The following CDH12 variants were observed in gnomAD, a reference collection of about 807,000 sequenced individuals.
The protein encoded by CDH12 is cadherin-12.
CDH12 carries 41 observed loss-of-function variants against 74.1 expected under a neutral mutation model. That is an observed-to-expected ratio of 0.55 (90% CI 0.43 to 0.72). CDH12 has a LOEUF of 0.72. Among genes scored for constraint, CDH12 ranks in the 30% least tolerant of loss-of-function variants. The pLI is 0.00. For synonymous variants in CDH12, 399 were observed against 355.0 expected (o/e 1.12, Z -1.39); for missense variants, 945 against 977.2 (o/e 0.97, Z 0.44).
chr5:22,824,451 GT>G (rs1174601911), intron 1 of CDH12, among the ~76,000 whole-genome samples: 3 of 152,030 alleles, frequency 2.0e-5, no homozygotes, highest in African/African-American at 7.2e-5. Context: ...ATGTGAAAGT[GT>G]TTTTATAAAT....
chr5:22,214,743 G>A (rs1276259987), intron 3 of CDH12, among the ~76,000 whole-genome samples: 12 of 152,138 alleles, frequency 7.9e-5, no homozygotes, highest in Non-Finnish European at 1.5e-4. Flanking sequence ...AGGTGCACAC[G>A]AAACTTTGTG....
chr5:22,103,926 A>T (rs556389999), intron 4 of CDH12, among the ~76,000 whole-genome samples: 1 of 152,300 alleles, frequency 6.6e-6, no homozygotes, highest in East Asian at 1.9e-4. Context: ...AATAAACATA[A>T]ATTTGTCAAG....
Position 21,751,845 on chromosome 5 carries a change from T to C in CDH12, c.2277A>G (p.Thr759=). ...ESLSSIDSLT[T]EADQDYDYLT... is the part of the protein sequence containing the mutation. ...GATAGTCATAGTCCTGGTCGGCTTCTGTGGTGAGAGAGTCTATAGAGCTGA... is the reference window on the plus strand; with the variant it reads ...GATAGTCATAGTCCTGGTCGGCTTCCGTGGTGAGAGAGTCTATAGAGCTGA... Residue 759 remains threonine (T), a synonymous_variant, in exon 15 of 15, where the codon ACA becomes ACG. Transcript: ENST00000382254. The C allele has an allele frequency of 6.2e-7, 1 of 1,614,148 alleles. No individual in the cohort carries two copies. The highest frequency in any genetic ancestry group is 8.5e-7 in the Non-Finnish European group (1 of 1,180,008).
intron 13 of CDH12, among the ~76,000 whole-genome samples, chr5:21,758,832 C>A (rs1408502360): frequency 2.0e-5 from 3 of 152,132 alleles, no homozygotes; most frequent in Non-Finnish European, 4.4e-5. Context: ...ATGGATGCAT[C>A]TGGAAGACAT....
At chr5:22,643,169 C>A (rs928435676) in intron 1 of CDH12, among the ~76,000 whole-genome samples, 5 of 152,098 alleles carry the variant, frequency 3.3e-5, no homozygotes, top group African/African-American at 1.2e-4. Flanking sequence ...ATTAAGGCTT[C>A]GTGAAATAGA....
intron 2 of CDH12, among the ~76,000 whole-genome samples, chr5:22,480,293 C>G (rs1443818103): frequency 1.3e-5 from 2 of 151,418 alleles, no homozygotes; most frequent in South Asian, 4.2e-4. Flanking sequence ...ATTTAAAATA[C>G]ACTTAGAGGT....
Position 22,746,714 on chromosome 5 carries a change from A to G in CDH12, c.-523+106344T>C, listed in dbSNP as rs78302626. On this transcript the variant is annotated intron_variant, in intron 1 of 14. Coordinates refer to ENST00000382254, the MANE Select transcript of CDH12 (RefSeq NM_004061.5). ...ATTTGTCACTGCAATGTATTAAATT[A>G]TTTTTATTGTACATCTGTAAAGCCA... 8.3e-3 allele frequency among the ~76,000 whole-genome samples: 1,258 copies of G among 152,314 alleles called. 12 individuals are homozygous for G. Among genetic ancestry groups the G allele is most frequent in the African/African-American group, 0.029 (1,217 of 41,570 alleles).
At chr5:22,196,948 T>C (rs1176866984) in intron 4 of CDH12, among the ~76,000 whole-genome samples, 2 of 152,146 alleles carry the variant, frequency 1.3e-5, no homozygotes, top group Non-Finnish European at 2.9e-5. Context: ...TGAAAAATAA[T>C]TGATGGGTGT....
At chr5:22,535,435 C>G (rs978753910) in intron 1 of CDH12, among the ~76,000 whole-genome samples, 1 of 152,070 alleles carries the variant, frequency 6.6e-6, no homozygotes, top group African/African-American at 2.4e-5. Context: ...GGATTACAGG[C>G]GTGAGCCAAC....
intron 1 of CDH12, among the ~76,000 whole-genome samples, chr5:22,847,837 CT>C (rs1737375494): frequency 6.6e-6 from 1 of 151,902 alleles, no homozygotes; most frequent in Admixed American, 6.6e-5. Context: ...ATTTAATTCC[CT>C]TTTACTGTAT....
At chr5:22,296,502 G>A (rs1415794456) in intron 3 of CDH12, among the ~76,000 whole-genome samples, 1 of 151,966 alleles carries the variant, frequency 6.6e-6, no homozygotes, top group Non-Finnish European at 1.5e-5. Context: ...AATTTGTGAC[G>A]GATACTTAGA....
At chr5:22,014,281 A>T (rs1737468335) in intron 5 of CDH12, among the ~76,000 whole-genome samples, 1 of 152,100 alleles carries the variant, frequency 6.6e-6, no homozygotes, top group Non-Finnish European at 1.5e-5. Flanking sequence ...AAATGAAGAG[A>T]TTTGATCTTA....
rs1580306521 is a variant in CDH12 at position 22,136,963 on chromosome 5, G to C, written c.-186-58101C>G. On this transcript the variant is annotated intron_variant, in intron 4 of 14. Coordinates refer to ENST00000382254, the MANE Select transcript of CDH12 (RefSeq NM_004061.5). ...TAAGCAAGGGAAGATGAAATGATCA[G>C]TAGCAAATAACCAAACATGAGCTGA... is the stretch of plus-strand genomic sequence containing the variant. Among the ~76,000 whole-genome samples, 3 of 151,584 alleles carry C rather than the reference G, an allele frequency of 2.0e-5. No homozygotes were observed. The South Asian group carries it at 6.3e-4, about 32-fold the overall frequency.
At chr5:22,829,885 C>A (rs1005123020) in intron 1 of CDH12, among the ~76,000 whole-genome samples, 1 of 152,130 alleles carries the variant, frequency 6.6e-6, no homozygotes, top group Non-Finnish European at 1.5e-5. Flanking sequence ...TATGATACAG[C>A]AATATTATGA....
chr5:22,753,097 C>T (rs547117582), intron 1 of CDH12, among the ~76,000 whole-genome samples: 3 of 152,068 alleles, frequency 2.0e-5, no homozygotes, highest in South Asian at 4.2e-4. Flanking sequence ...TGAGAAAGAG[C>T]GAGGCATGTT....
At chr5:22,009,213 T>C (rs1186845101) in intron 5 of CDH12, among the ~76,000 whole-genome samples, 6 of 152,174 alleles carry the variant, frequency 3.9e-5, no homozygotes, top group Admixed American at 1.3e-4. Context: ...CTTTCAGGCT[T>C]CCCAGCTAAT....
chr5:22,052,142 A>C (rs1297714461), intron 5 of CDH12, among the ~76,000 whole-genome samples: 1 of 152,200 alleles, frequency 6.6e-6, no homozygotes, highest in African/African-American at 2.4e-5. Context: ...GAAAGCCTTC[A>C]GCACTTTGTC....
At chr5:22,466,776 C>CTTTTTTTTTTTTTTTTTTTT (rs70959733) in intron 2 of CDH12, among the ~76,000 whole-genome samples, 1 of 50,968 alleles carries the variant, frequency 2.0e-5, no homozygotes, top group African/African-American at 8.6e-5. Context: ...CCTCAGGAAT[C>CTTTTTTTTTTTTTTTTTTTT]TTTTTTTTTT....
intron 3 of CDH12, among the ~76,000 whole-genome samples, chr5:22,345,906 C>T (rs999534288): frequency 1.3e-5 from 2 of 151,964 alleles, no homozygotes; most frequent in Admixed American, 1.3e-4. Flanking sequence ...GAGTTCGAGA[C>T]CAGCCTGGCA....
Sources: allele counts gnomAD v4.1 joint callset (sites outside exome capture counted in the v4.1 genomes callset), GRCh38; gene constraint gnomAD v4.1.1; transcripts MANE v1.5; gene names NCBI Gene and HGNC (gene_info 2026-07-23, HGNC 2026-07-21).